The following FHIT variants were observed in gnomAD, a reference collection of about 807,000 sequenced individuals.
The protein encoded by FHIT is fragile histidine triad diadenosine triphosphatase.
A neutral mutation model predicts 17.9 loss-of-function variants in FHIT; 19 were observed. The ratio of observed to expected loss-of-function variants is 1.06; its 90% CI spans 0.74 to 1.56. FHIT has a LOEUF of 1.56. FHIT is among the 40% of genes most tolerant of loss of function. FHIT has a pLI of 0.00. For missense variants in FHIT, 248 were observed against 189.2 expected (o/e 1.31, Z -1.82); for synonymous variants, 81 against 69.7 (o/e 1.16, Z -0.81).
intron 2 of FHIT, among the ~76,000 whole-genome samples, chr3:61,049,264 T>A (rs1180672969): frequency 6.6e-6 from 1 of 151,396 alleles, no homozygotes; most frequent in Non-Finnish European, 1.5e-5. Flanking sequence ...TATTAGGCAT[T>A]CATTCATTAA....
intron 3 of FHIT, among the ~76,000 whole-genome samples, chr3:60,871,186 C>T (rs912536982): frequency 2.6e-5 from 4 of 152,022 alleles, no homozygotes; most frequent in Admixed American, 2.6e-4. Flanking sequence ...TCCTTTTTCT[C>T]GTTATATCAG....
At chr3:60,819,038 C>G (rs1189425808) in intron 4 of FHIT, among the ~76,000 whole-genome samples, 1 of 102,186 alleles carries the variant, frequency 9.8e-6, no homozygotes, top group African/African-American at 3.2e-5. Context: ...TTTTTCTTTT[C>G]TTTTTTTTTT....
Position 61,239,762 on chromosome 3 carries a change from CATATAT to C in FHIT, c.-213+11533_-213+11538del, listed in dbSNP as rs72107416. Among the ~76,000 whole-genome samples, 29 of 108,256 alleles carry C rather than the reference CATATAT, an allele frequency of 2.7e-4. 2 individuals carry two copies. Among genetic ancestry groups the C allele is most frequent in the African/African-American group, 9.1e-4 (20 of 21,874 alleles). 71.0% of individuals were successfully genotyped at this position (108,256 alleles called of 152,430 possible). A position where few individuals can be genotyped will look rare whatever the true frequency, so the allele number is the denominator to read the frequency against. ...AAAACTGCAAAGAAAAACAACTGGCCATATATATATATATATATATATACACAAATT... is the reference window on the plus strand; with the variant it reads ...AAAACTGCAAAGAAAAACAACTGGCCATATATATATATATATACACAAATT... On this transcript the variant is annotated intron_variant, in intron 1 of 9. Coordinates refer to ENST00000492590, the MANE Select transcript of FHIT (RefSeq NM_002012.4).
At chr3:60,405,402 T>C (rs1701818585) in intron 5 of FHIT, among the ~76,000 whole-genome samples, 1 of 152,186 alleles carries the variant, frequency 6.6e-6, no homozygotes, top group Admixed American at 6.5e-5. Context: ...TGGGGGACTT[T>C]CCCGCCTTCT....
chr3:60,115,955 G>C (rs948415398), intron 5 of FHIT, among the ~76,000 whole-genome samples: 21 of 152,274 alleles, frequency 1.4e-4, no homozygotes, highest in East Asian at 1.9e-4. Context: ...GATGGTTATA[G>C]ATGAGAAGTT....
intron 7 of FHIT, among the ~76,000 whole-genome samples, chr3:59,993,849 G>A (rs1047625142): frequency 1.3e-5 from 2 of 151,930 alleles, no homozygotes; most frequent in Non-Finnish European, 2.9e-5. Context: ...CTTTAACATG[G>A]GGATAAAATT....
intron 3 of FHIT, among the ~76,000 whole-genome samples, chr3:60,996,744 T>C (rs1008930959): frequency 2.6e-5 from 4 of 152,248 alleles, no homozygotes; most frequent in African/African-American, 9.6e-5. Flanking sequence ...AATGAATTCC[T>C]GCTTAAGTAT....
At chr3:60,760,736 T>C (rs1699620237) in intron 4 of FHIT, among the ~76,000 whole-genome samples, 2 of 152,100 alleles carry the variant, frequency 1.3e-5, no homozygotes, top group South Asian at 4.1e-4. Context: ...CAACTTGAAA[T>C]TATGAAGAAA....
intron 5 of FHIT, among the ~76,000 whole-genome samples, chr3:60,171,150 T>C: frequency 6.6e-6 from 1 of 152,232 alleles, no homozygotes; most frequent in East Asian, 1.9e-4. Flanking sequence ...CTTTTCTTTT[T>C]GAAATTTTAA....
intron 5 of FHIT, among the ~76,000 whole-genome samples, chr3:60,074,495 T>TATTCATTC (rs3884255): frequency 2.7e-4 from 41 of 151,770 alleles, no homozygotes; most frequent in African/African-American, 8.5e-4. Flanking sequence ...AAAATTTGCT[T>TATTCATTC]ATTCATTCAT....
intron 3 of FHIT, among the ~76,000 whole-genome samples, chr3:60,851,544 C>A (rs1247137567): frequency 1.3e-5 from 2 of 152,264 alleles, no homozygotes; most frequent in East Asian, 3.9e-4. Flanking sequence ...TACATCAGTA[C>A]TTCCTACTCT....
At chr3:60,261,320 A>G (rs1706286743) in intron 5 of FHIT, among the ~76,000 whole-genome samples, 1 of 152,064 alleles carries the variant, frequency 6.6e-6, no homozygotes, top group African/African-American at 2.4e-5. Context: ...AAAGAAAAAC[A>G]AAAGACATAT....
intron 4 of FHIT, among the ~76,000 whole-genome samples, chr3:60,619,882 C>T (rs2039069272): frequency 6.6e-6 from 1 of 151,888 alleles, no homozygotes; most frequent in African/African-American, 2.4e-5. Context: ...GAAAGACAAG[C>T]CAAAGGCTAG....
intron 5 of FHIT, among the ~76,000 whole-genome samples, chr3:60,225,400 A>G (rs1322849474): frequency 6.6e-6 from 1 of 152,204 alleles, no homozygotes; most frequent in Non-Finnish European, 1.5e-5. Context: ...GTGCTGGAGG[A>G]AAGAAGACAG....
At chr3:60,701,332 A>C (rs1393178162) in intron 4 of FHIT, among the ~76,000 whole-genome samples, 1 of 152,044 alleles carries the variant, frequency 6.6e-6, no homozygotes, top group African/African-American at 2.4e-5. Flanking sequence ...CCAATTTCTC[A>C]AGACGAGGGA....
At chr3:60,740,561 T>C (rs1485790162) in intron 4 of FHIT, among the ~76,000 whole-genome samples, 1 of 152,242 alleles carries the variant, frequency 6.6e-6, no homozygotes, top group Non-Finnish European at 1.5e-5. Flanking sequence ...TAATATAAAA[T>C]GTGCCATTTC....
chr3:60,973,314 T>C (rs537855355), intron 3 of FHIT, among the ~76,000 whole-genome samples: 2 of 152,322 alleles, frequency 1.3e-5, no homozygotes, highest in Non-Finnish European at 2.9e-5. Context: ...AGTATTTCCA[T>C]GGTCCTACTT....
rs922042827 is a variant in FHIT at position 60,391,155 on chromosome 3, T to A, written c.103+145705A>T. Among the ~76,000 whole-genome samples, 9 of 151,918 alleles carry A rather than the reference T, an allele frequency of 5.9e-5. No individual in the cohort carries two copies. In the East Asian group the frequency reaches 1.8e-3, roughly 30 times the overall value. The stretch of plus-strand genomic sequence containing the variant: ...GTGAGCTGAGATCACACCACTGCAC[T>A]CCAGCCTGGGCGACAGAGTGAGACC... On this transcript the variant is annotated intron_variant, in intron 5 of 9. Transcript: ENST00000492590.
chr3:60,764,034 C>T (rs1281030359), intron 4 of FHIT, among the ~76,000 whole-genome samples: 1 of 152,026 alleles, frequency 6.6e-6, no homozygotes, highest in Non-Finnish European at 1.5e-5. Context: ...AAGAACTGAG[C>T]CCTAGAGAGG....
Sources: allele counts gnomAD v4.1 joint callset (sites outside exome capture counted in the v4.1 genomes callset), GRCh38; gene constraint gnomAD v4.1.1; transcripts MANE v1.5; gene names NCBI Gene and HGNC (gene_info 2026-07-23, HGNC 2026-07-21).